The following GABRG2 variants were observed in gnomAD, a reference collection of about 807,000 sequenced individuals.
The protein encoded by GABRG2 is gamma-aminobutyric acid receptor subunit gamma-2.
A neutral mutation model predicts 56.4 loss-of-function variants in GABRG2; 16 were observed. The observed-to-expected ratio is 0.28, with a 90% CI of 0.19 to 0.43. GABRG2 has a LOEUF of 0.43. Among genes scored for constraint, GABRG2 ranks in the 20% least tolerant of loss-of-function variants. The pLI is 1.00. For missense variants in GABRG2, 327 were observed against 582.7 expected (o/e 0.56, Z 4.52); for synonymous variants, 208 against 205.5 (o/e 1.01, Z -0.10).
rs926704334 is a variant in GABRG2, at chr5:162,124,768, G to A, written c.770-17396G>A. Among the ~76,000 whole-genome samples, 52 of 151,888 alleles carry A rather than the reference G, an allele frequency of 3.4e-4. 1 individual carries two copies. The highest frequency in any genetic ancestry group is 1.2e-3 in the African/African-American group (49 of 41,508). ...ATGCGCCGCATGACACACAGTGCTA[G>A]AGATCCAGTCCTTTATACCTAGCTC... is the stretch of plus-strand genomic sequence containing the variant. On this transcript the variant is annotated intron_variant, in intron 6 of 9. Coordinates refer to ENST00000639213, the MANE Select transcript of GABRG2 (RefSeq NM_198904.4).
chr5:162,123,702 G>A (rs751136428), intron 6 of GABRG2, among the ~76,000 whole-genome samples: 3 of 151,782 alleles, frequency 2.0e-5, no homozygotes, highest in Non-Finnish European at 2.9e-5. Context: ...ATTAATCATT[G>A]TAGTAGCTAT....
At chr5:162,126,087 G>A (rs1303844639) in intron 6 of GABRG2, among the ~76,000 whole-genome samples, 1 of 151,892 alleles carries the variant, frequency 6.6e-6, no homozygotes, top group African/African-American at 2.4e-5. Context: ...GAGATTTGTG[G>A]GTCATATTTT....
chr5:162,086,688 G>A (rs1347023858), intron 1 of GABRG2, among the ~76,000 whole-genome samples: 3 of 151,886 alleles, frequency 2.0e-5, no homozygotes, highest in Admixed American at 2.0e-4. Context: ...TGTAACAGAA[G>A]TGTTACATAT....
chr5:162,105,143 A>C (rs1208742680), intron 6 of GABRG2, among the ~76,000 whole-genome samples: 1 of 152,196 alleles, frequency 6.6e-6, no homozygotes, highest in East Asian at 1.9e-4. Context: ...CGTATGGAAT[A>C]ATTTGGAATC....
chr5:162,137,436 T>C (rs1764216886), intron 6 of GABRG2, among the ~76,000 whole-genome samples: 2 of 152,196 alleles, frequency 1.3e-5, no homozygotes, highest in Non-Finnish European at 2.9e-5. Flanking sequence ...TTTTCCTCAA[T>C]CTGACAGGCT....
chr5:162,079,590 C>T, intron 1 of GABRG2, among the ~76,000 whole-genome samples: 1 of 151,198 alleles, frequency 6.6e-6, no homozygotes, highest in Non-Finnish European at 1.5e-5. Flanking sequence ...CTTGTAAAGC[C>T]TATATTCTAG....
chr5:162,105,232 C>T lies in GABRG2; in HGVS notation c.769+1206C>T, dbSNP rs76017495. 4.6e-3 allele frequency among the ~76,000 whole-genome samples: 699 copies of T among 152,218 alleles called. 6 individuals are homozygous for T. Among genetic ancestry groups the T allele is most frequent in the African/African-American group, 0.016 (669 of 41,548 alleles). ...GAAATTTATGATTCGATTCTACTTT[C>T]AAAAGTACCATCCTTCAAATCAAAG... On this transcript the variant is annotated intron_variant, in intron 6 of 9. Coordinates refer to ENST00000639213, the MANE Select transcript of GABRG2 (RefSeq NM_198904.4).
intron 5 of GABRG2, 37 bp downstream of exon 5, chr5:162,101,354 A>T: frequency 5.3e-6 from 7 of 1,320,462 alleles, no homozygotes; most frequent in Non-Finnish European, 7.7e-6. Flanking sequence ...ATCCTCCCTC[A>T]CCTACAGTCT....
chr5:162,146,045 T>C (rs187183368), intron 7 of GABRG2, among the ~76,000 whole-genome samples: 4 of 151,472 alleles, frequency 2.6e-5, no homozygotes, highest in Admixed American at 6.5e-5. Context: ...ATTTAATCTT[T>C]ACTGGAGACT....
intron 1 of GABRG2, among the ~76,000 whole-genome samples, chr5:162,073,759 G>A (rs892582478): frequency 1.3e-5 from 2 of 151,736 alleles, no homozygotes; most frequent in African/African-American, 2.4e-5. Flanking sequence ...AAAGTAATAG[G>A]GATTTTACAG....
At chr5:162,089,540 A>G (rs1298902308) in intron 1 of GABRG2, among the ~76,000 whole-genome samples, 2 of 152,316 alleles carry the variant, frequency 1.3e-5, no homozygotes, top group East Asian at 1.9e-4. Context: ...AATACTTTGC[A>G]TATGAACTCA....
chr5:162,142,310 T>A lies in GABRG2; in HGVS notation c.916T>A (p.Ser306Thr). 1 of 1,614,082 alleles carries A rather than the reference T, an allele frequency of 6.2e-7. No homozygotes were observed. Among genetic ancestry groups the A allele is most frequent in the Non-Finnish European group, 8.5e-7 (1 of 1,179,968 alleles). Residue 306 changes from serine to threonine, a missense_variant, in exon 7 of 10, where the codon TCT becomes ACT. Transcript: ENST00000639213. The part of the protein sequence containing the change: ...INKDAVPART[S>T]LGITTVLTMT... ...TAAGGATGCTGTTCCAGCCAGAACATCTTTAGGTGAGACACCTTTGTTTAT... is the reference window on the plus strand; with the variant it reads ...TAAGGATGCTGTTCCAGCCAGAACAACTTTAGGTGAGACACCTTTGTTTAT...
intron 7 of GABRG2, among the ~76,000 whole-genome samples, chr5:162,147,195 C>CTCTTTCTT (rs1033382641): frequency 6.6e-6 from 1 of 151,830 alleles, no homozygotes; most frequent in Non-Finnish European, 1.5e-5. Flanking sequence ...CTCTTTCTTT[C>CTCTTTCTT]TCTTTCTTTC....
At chr5:162,152,087 T>C in intron 9 of GABRG2, 3 of 241,786 alleles carry the variant, frequency 1.2e-5, no homozygotes, top group Non-Finnish European at 2.4e-5. Context: ...AAGTTTGTAC[T>C]CTTTTAAAAC....
rs1247001935 is a variant in GABRG2, at chr5:162,132,199, A to G, written c.770-9965A>G. ...AATATCACAAATTAGTTTTTGACCA[A>G]TTTGGGACACGAACTTGGTTCTTAC... is the stretch of plus-strand genomic sequence containing the variant. On this transcript the variant is annotated intron_variant, in intron 6 of 9. Transcript: ENST00000639213. Among the ~76,000 whole-genome samples, 5 of 148,312 alleles carry G rather than the reference A, an allele frequency of 3.4e-5. No homozygotes were observed. The South Asian group carries it at 6.3e-4, about 19-fold the overall frequency.
At chr5:162,114,859 C>G (rs1171592584) in intron 6 of GABRG2, among the ~76,000 whole-genome samples, 1 of 152,124 alleles carries the variant, frequency 6.6e-6, no homozygotes, top group African/African-American at 2.4e-5. Context: ...ACATCTGTGC[C>G]TGTAGTCTTC....
chr5:162,151,150 G>A (rs1156917125), intron 8 of GABRG2: 1 of 153,158 alleles, frequency 6.5e-6, no homozygotes, highest in Non-Finnish European at 1.5e-5. Flanking sequence ...TGCAAAGATA[G>A]AGGCAGATTC....
At chr5:162,082,687 T>C (rs2113209432) in intron 1 of GABRG2, among the ~76,000 whole-genome samples, 1 of 151,854 alleles carries the variant, frequency 6.6e-6, no homozygotes, top group Middle Eastern at 3.4e-3. Flanking sequence ...TGAACACAAA[T>C]TTCTATAATC....
chr5:162,147,136 G>C (rs537944754), intron 7 of GABRG2, among the ~76,000 whole-genome samples: 82 of 152,126 alleles, frequency 5.4e-4, no homozygotes, highest in African/African-American at 1.8e-3. Context: ...TATGACACTG[G>C]TGCTTTTCTC....
Sources: gnomAD v4.1 joint callset for allele counts (sites outside exome capture counted in the v4.1 genomes callset) on GRCh38, gnomAD v4.1.1 for gene constraint, MANE v1.5 for transcripts, NCBI Gene and HGNC (gene_info 2026-07-23, HGNC 2026-07-21) for gene names.